The following SMIM31 variants were observed in gnomAD, a reference collection of about 807,000 sequenced individuals.
The protein encoded by SMIM31 is small integral membrane protein 31.
At chr4:164,770,611 C>A in intron 2 of SMIM31, 56 bp downstream of exon 2, 1 of 398,542 alleles carries the variant, frequency 2.5e-6, no homozygotes, top group Non-Finnish European at 4.4e-6. Flanking sequence ...CTTTTCCCTG[C>A]CTATCATCTT....
intron 2 of SMIM31, among the ~76,000 whole-genome samples, chr4:164,794,620 C>T (rs1217603991): frequency 1.3e-5 from 2 of 151,994 alleles, no homozygotes; most frequent in Non-Finnish European, 2.9e-5. Context: ...TCCTGGCCAA[C>T]ATGGTGAAAC....
chr4:164,787,648 A>G (rs890871740), intron 2 of SMIM31, among the ~76,000 whole-genome samples: 1 of 151,494 alleles, frequency 6.6e-6, no homozygotes, highest in Non-Finnish European at 1.5e-5. Context: ...ATGAACTAGA[A>G]CTCACTTTAC....
At chr4:164,772,534 A>G (rs1732819112) in intron 2 of SMIM31, among the ~76,000 whole-genome samples, 1 of 152,072 alleles carries the variant, frequency 6.6e-6, no homozygotes, top group East Asian at 1.9e-4. Context: ...TAATAACCTC[A>G]CTATTTCACA....
At position 164,803,794 on chromosome 4, in the gene SMIM31, T is replaced by G. The variant is rs1733319306; in HGVS notation, c.*2600T>G. On this transcript the variant is annotated 3_prime_UTR_variant, in exon 3 of 3. Transcript: ENST00000507311. ...TGGGGAGCAAATGCAAAACTCCATT[T>G]CAAAAAAAAGAAAAGAAAAGAAATA... 6.6e-6 allele frequency: 1 copy of G among 151,546 alleles called. No homozygotes were observed. Among genetic ancestry groups the G allele is most frequent in the Middle Eastern group, 3.2e-3 (1 of 316 alleles). The allele number at this position is 151,546 out of a possible 1,614,324, so 9.4% of individuals were successfully genotyped here.
chr4:164,780,124 C>G (rs949939544), intron 2 of SMIM31, among the ~76,000 whole-genome samples: 7 of 152,182 alleles, frequency 4.6e-5, no homozygotes, highest in African/African-American at 2.4e-5. Context: ...ATCCCTTAAT[C>G]ATATTTAAAA....
chr4:164,777,954 T>G (rs896312712), intron 2 of SMIM31, among the ~76,000 whole-genome samples: 2 of 152,260 alleles, frequency 1.3e-5, no homozygotes, highest in South Asian at 4.1e-4. Flanking sequence ...CCTACAGCAC[T>G]ACAGCACAGA....
intron 2 of SMIM31, among the ~76,000 whole-genome samples, chr4:164,800,774 C>G (rs1294640434): frequency 6.6e-6 from 1 of 152,188 alleles, no homozygotes; most frequent in African/African-American, 2.4e-5. Context: ...TAACATCAAT[C>G]TTAGTGCTCT....
At chr4:164,762,897 CT>C (rs1347743597) in intron 1 of SMIM31, among the ~76,000 whole-genome samples, 1 of 152,044 alleles carries the variant, frequency 6.6e-6, no homozygotes, top group African/African-American at 2.4e-5. Flanking sequence ...AGGGGAAAAC[CT>C]AAAGATACCT....
At chr4:164,760,174 A>G (rs560665650) in intron 1 of SMIM31, among the ~76,000 whole-genome samples, 119 of 152,282 alleles carry the variant, frequency 7.8e-4, no homozygotes, top group African/African-American at 2.7e-3. Context: ...AGGACCAGAT[A>G]ATTTAGGGTC....
Position 164,758,630 on chromosome 4 carries a change from GTTTTT to G in SMIM31, c.-26+4236_-26+4240del, listed in dbSNP as rs1210607914. Among the ~76,000 whole-genome samples, 3 of 96,640 alleles carry G rather than the reference GTTTTT, an allele frequency of 3.1e-5. No homozygotes were observed. The South Asian group carries it at 1.1e-3, about 35-fold the overall frequency. The allele number at this position is 96,640 out of a possible 152,430, so 63.4% of individuals were successfully genotyped here. ...CCATATATGTAGTTTTCCTTTTTTT[GTTTTT>G]TTTTTTTTTTTTTTTTGAGACGGAG... On this transcript the variant is annotated intron_variant, in intron 1 of 2. Coordinates refer to ENST00000507311, the MANE Select transcript of SMIM31 (RefSeq NM_001352885.1).
intron 1 of SMIM31, among the ~76,000 whole-genome samples, chr4:164,760,906 C>G (rs12511289): frequency 0.36 from 54,610 of 151,780 alleles, 11,886 homozygotes; most frequent in Non-Finnish European, 0.48. Context: ...GGGGGTGAGA[C>G]AAAGAAGGAA....
At chr4:164,763,061 A>T (rs1005040692) in intron 1 of SMIM31, among the ~76,000 whole-genome samples, 1 of 152,228 alleles carries the variant, frequency 6.6e-6, no homozygotes, top group Non-Finnish European at 1.5e-5. Context: ...AAAGAAAAAA[A>T]TGAAAGTTAT....
chr4:164,772,442 C>G (rs1014510626), intron 2 of SMIM31, among the ~76,000 whole-genome samples: 1 of 152,112 alleles, frequency 6.6e-6, no homozygotes, highest in Non-Finnish European at 1.5e-5. Flanking sequence ...TTATCAGGAG[C>G]CTTCCATGAA....
chr4:164,786,275 T>C lies in SMIM31; in HGVS notation c.113-14816T>C, dbSNP rs187513756. Among the ~76,000 whole-genome samples, 7 of 152,294 alleles carry C rather than the reference T, an allele frequency of 4.6e-5. No homozygotes were observed. The East Asian group carries it at 1.4e-3, about 29-fold the overall frequency. ...TACAGCCTTTGTGGCTCCAGTTTTA[T>C]GTAACAAGTTATATTTAAACTACCC... On this transcript the variant is annotated intron_variant, in intron 2 of 2. Transcript: ENST00000507311.
intron 2 of SMIM31, among the ~76,000 whole-genome samples, chr4:164,774,380 G>A (rs1732854464): frequency 6.6e-6 from 1 of 152,088 alleles, no homozygotes; most frequent in Admixed American, 6.6e-5. Flanking sequence ...TATGGCCACT[G>A]GAATCCCTCA....
chr4:164,792,797 A>G, intron 2 of SMIM31, among the ~76,000 whole-genome samples: 1 of 152,278 alleles, frequency 6.6e-6, no homozygotes, highest in South Asian at 2.1e-4. Context: ...ATAGAATCTC[A>G]AGGCACCCTA....
intron 2 of SMIM31, among the ~76,000 whole-genome samples, chr4:164,771,679 C>T (rs1209196390): frequency 6.6e-6 from 1 of 151,868 alleles, no homozygotes; most frequent in Non-Finnish European, 1.5e-5. Flanking sequence ...CTTGGTAGCA[C>T]GCACCTGTAG....
intron 1 of SMIM31, among the ~76,000 whole-genome samples, chr4:164,765,471 T>C (rs1474935590): frequency 2.0e-5 from 3 of 152,138 alleles, no homozygotes; most frequent in Non-Finnish European, 4.4e-5. Context: ...CTTTGTTTAG[T>C]AGACAGGATT....
chr4:164,784,889 A>G (rs1733006726), intron 2 of SMIM31, among the ~76,000 whole-genome samples: 1 of 125,098 alleles, frequency 8.0e-6, no homozygotes, highest in South Asian at 2.5e-4. Context: ...TTGTTTGTTT[A>G]TTTGTTTGGG....
Sources: allele counts gnomAD v4.1 joint callset (sites outside exome capture counted in the v4.1 genomes callset), GRCh38; gene constraint gnomAD v4.1.1; transcripts MANE v1.5; gene names NCBI Gene and HGNC (gene_info 2026-07-23, HGNC 2026-07-21).